The following ME3 variants were observed in gnomAD, a reference collection of about 807,000 sequenced individuals.
The protein encoded by ME3 is NADP-dependent malic enzyme, mitochondrial.
Under a neutral mutation model 68.9 loss-of-function variants are expected in ME3, and 48 were observed. The observed-to-expected ratio is 0.70, with a 90% CI of 0.55 to 0.89. ME3 has a LOEUF of 0.89. Ranked by LOEUF, ME3 falls within the 40% of genes least tolerant of loss-of-function variation. The pLI is 0.00. For synonymous variants in ME3, 320 were observed against 318.8 expected (o/e 1.00, Z -0.04); for missense variants, 675 against 797.4 (o/e 0.85, Z 1.85).
At chr11:86,529,103 C>G (rs573708801) in intron 4 of ME3, among the ~76,000 whole-genome samples, 1 of 152,274 alleles carries the variant, frequency 6.6e-6, no homozygotes, top group East Asian at 1.9e-4. Flanking sequence ...AATTGATAGA[C>G]TGCTAGCGAG....
At chr11:86,447,001 A>C in intron 12 of ME3, 64 bp downstream of exon 12, 1 of 1,568,768 alleles carries the variant, frequency 6.4e-7, no homozygotes, top group Admixed American at 1.8e-5. Flanking sequence ...CACCCTCATG[A>C]GGTTACTCAT....
At chr11:86,438,000 C>G (rs1021437607), downstream of ME3, among the ~76,000 whole-genome samples, 2 of 152,172 alleles carry the variant, frequency 1.3e-5, no homozygotes, top group African/African-American at 4.8e-5. Context: ...ATTGCACTGG[C>G]TAAACACCCT....
chr11:86,585,753 A>G (rs1270492917), intron 2 of ME3, among the ~76,000 whole-genome samples: 1 of 152,180 alleles, frequency 6.6e-6, no homozygotes, highest in Non-Finnish European at 1.5e-5. Flanking sequence ...GTATTACTCT[A>G]TGGAGAGAGC....
chr11:86,500,176 A>C (rs980880780), intron 5 of ME3, among the ~76,000 whole-genome samples: 1 of 152,174 alleles, frequency 6.6e-6, no homozygotes, highest in African/African-American at 2.4e-5. Context: ...GCATTTCTCT[A>C]TCATCTCTCC....
chr11:86,465,384 A>G (rs954172279), intron 7 of ME3, among the ~76,000 whole-genome samples, 184 bp from the exon 8 acceptor site: 2 of 152,028 alleles, frequency 1.3e-5, no homozygotes, highest in Admixed American at 6.5e-5. Flanking sequence ...TGCCTGCCCT[A>G]TCATGGATGA....
chr11:86,645,917 G>A (rs1272484228), intron 2 of ME3, among the ~76,000 whole-genome samples: 1 of 152,178 alleles, frequency 6.6e-6, no homozygotes, highest in African/African-American at 2.4e-5. Flanking sequence ...ACAGGGTCTG[G>A]AGTGGACCTC....
downstream of ME3, chr11:86,436,379 G>A (rs180842034): frequency 2.6e-5 from 4 of 151,968 alleles, no homozygotes; most frequent in African/African-American, 9.7e-5. Flanking sequence ...TTATTAAGTT[G>A]AAGTAGTTCT....
exon 10 of ME3, chr11:86,449,997 A>G (rs1364167852): frequency 6.2e-7 from 1 of 1,610,192 alleles, no homozygotes; most frequent in Non-Finnish European, 8.5e-7. Flanking sequence ...CAATGCCCAT[A>G]GCTGCCTGGA....
intron 2 of ME3, among the ~76,000 whole-genome samples, chr11:86,596,934 C>G (rs1160760915): frequency 6.6e-6 from 1 of 152,138 alleles, no homozygotes; most frequent in Non-Finnish European, 1.5e-5. Flanking sequence ...TTGTGGAGAA[C>G]AGTCAAATTC....
chr11:86,632,376 C>G (rs570858079), intron 2 of ME3, among the ~76,000 whole-genome samples: 31 of 152,278 alleles, frequency 2.0e-4, no homozygotes, highest in African/African-American at 7.5e-4. Flanking sequence ...AGAGCAGGCT[C>G]TGTAAGCCAG....
chr11:86,658,153 C>T (rs1211555324), intron 2 of ME3, among the ~76,000 whole-genome samples: 2 of 150,356 alleles, frequency 1.3e-5, no homozygotes, highest in African/African-American at 4.9e-5. Context: ...TTGAGACAAT[C>T]TCATGCTGTC....
chr11:86,502,257 C>A (rs1161898693), intron 5 of ME3, among the ~76,000 whole-genome samples: 1 of 152,220 alleles, frequency 6.6e-6, no homozygotes, highest in East Asian at 1.9e-4. Context: ...CAGGAAGCTT[C>A]CCTTCTGAAT....
downstream of ME3, chr11:86,437,174 C>T (rs540352004): frequency 2.0e-5 from 3 of 152,274 alleles, no homozygotes; most frequent in African/African-American, 7.2e-5. Context: ...TGGCATTTCA[C>T]TTTCTGAATT....
intron 4 of ME3, among the ~76,000 whole-genome samples, chr11:86,521,234 A>G (rs1241770050): frequency 6.6e-6 from 1 of 152,002 alleles, no homozygotes; most frequent in Non-Finnish European, 1.5e-5. Context: ...TCCACTAAAA[A>G]CTACAAAACA....
chr11:86,567,900 C>T (rs886351840), intron 2 of ME3, among the ~76,000 whole-genome samples: 15 of 152,240 alleles, frequency 9.9e-5, no homozygotes, highest in South Asian at 4.2e-4. Flanking sequence ...CTTTGCTAAT[C>T]GGCACTCAGA....
At chr11:86,529,667 G>T (rs376079066) in intron 4 of ME3, among the ~76,000 whole-genome samples, 1 of 152,202 alleles carries the variant, frequency 6.6e-6, no homozygotes, top group South Asian at 2.1e-4. Context: ...CCATGATCAA[G>T]TGGGCTTCAT....
At chr11:86,450,941 G>A (rs1949597940) in intron 8 of ME3, among the ~76,000 whole-genome samples, 1 of 152,208 alleles carries the variant, frequency 6.6e-6, no homozygotes, top group Admixed American at 6.5e-5. Context: ...ATTCATTTGA[G>A]CCACTGCTAC....
chr11:86,543,182 A>G (rs1376543725), intron 4 of ME3, among the ~76,000 whole-genome samples: 1 of 152,242 alleles, frequency 6.6e-6, no homozygotes, highest in Non-Finnish European at 1.5e-5. Context: ...AAAAGCTGGT[A>G]CCAGCCACTG....
chr11:86,510,719 G>A (rs961232236), intron 4 of ME3, among the ~76,000 whole-genome samples: 3 of 152,108 alleles, frequency 2.0e-5, no homozygotes, highest in East Asian at 1.9e-4. Flanking sequence ...ATCTCCAGAC[G>A]TTGGCAAATG....
Sources: allele counts gnomAD v4.1 joint callset (sites outside exome capture counted in the v4.1 genomes callset), GRCh38; gene constraint gnomAD v4.1.1; transcripts MANE v1.5; gene names NCBI Gene and HGNC (gene_info 2026-07-23, HGNC 2026-07-21).